SLIT3: variants seen among roughly 807,000 people sequenced by gnomAD.
SLIT3 encodes the protein slit homolog 3 protein.
A neutral mutation model predicts 184.0 loss-of-function variants in SLIT3; 68 were observed. That is an observed-to-expected ratio of 0.37 (90% confidence interval 0.30 to 0.45). The LOEUF (loss-of-function observed/expected upper bound fraction) is 0.45. SLIT3 is among the 20% of genes least tolerant of loss of function. The pLI is 1.00. For synonymous variants in SLIT3, 831 were observed against 828.6 expected, an observed-to-expected ratio of 1.00 and a Z score of -0.05; for missense variants, 1,707 against 2,026.0, an observed-to-expected ratio of 0.84 and a Z score of 3.02.
At chr5:169,117,243 C>CA (rs1216752652) in intron 4 of SLIT3, among the ~76,000 whole-genome samples, 1 of 152,186 alleles carries the variant, frequency 6.6e-6, no homozygotes, top group Non-Finnish European at 1.5e-5. Flanking sequence ...GGATACATAA[C>CA]TCCACAATGG....
At chr5:169,291,970 A>C (rs1480127357) in intron 1 of SLIT3, among the ~76,000 whole-genome samples, 1 of 152,238 alleles carries the variant, frequency 6.6e-6, no homozygotes, top group Non-Finnish European at 1.5e-5. Context: ...GTAAAGTGTA[A>C]GAGCAGTGCC....
intron 1 of SLIT3, among the ~76,000 whole-genome samples, chr5:169,291,969 A>G (rs1383852844): frequency 6.6e-6 from 1 of 152,252 alleles, no homozygotes; most frequent in African/African-American, 2.4e-5. Context: ...TGTAAAGTGT[A>G]AGAGCAGTGC....
chr5:168,708,490 C>T (rs1762445190), intron 25 of SLIT3: 1 of 283,406 alleles, frequency 3.5e-6, no homozygotes, highest in African/African-American at 2.2e-5. Context: ...CCCACAAACA[C>T]CCCTCCCCAT....
chr5:168,695,121 T>G (rs1762015673), intron 28 of SLIT3, among the ~76,000 whole-genome samples: 1 of 152,202 alleles, frequency 6.6e-6, no homozygotes, highest in South Asian at 2.1e-4. Context: ...CCATTTGGCT[T>G]CCTTCTCTGC....
chr5:168,778,172 C>T (rs1009969812), intron 12 of SLIT3, among the ~76,000 whole-genome samples: 1 of 152,202 alleles, frequency 6.6e-6, no homozygotes, highest in Non-Finnish European at 1.5e-5. Flanking sequence ...TCTCTACAGA[C>T]TACATCTCTG....
At chr5:168,686,009 C>G (rs959899665) in intron 30 of SLIT3, 82 bp from the exon 31 acceptor site, 1 of 1,451,610 alleles carries the variant, frequency 6.9e-7, no homozygotes, top group Non-Finnish European at 9.2e-7. Flanking sequence ...CAAAGAACCT[C>G]GAGCAGAGAG....
intron 4 of SLIT3, among the ~76,000 whole-genome samples, chr5:168,899,303 G>A (rs777306832): frequency 3.9e-5 from 6 of 152,162 alleles, no homozygotes; most frequent in Non-Finnish European, 8.8e-5. Flanking sequence ...ATCACTTGAG[G>A]TCAGAAGTTC....
At chr5:169,008,913 C>G (rs898166143) in intron 4 of SLIT3, among the ~76,000 whole-genome samples, 2 of 152,180 alleles carry the variant, frequency 1.3e-5, no homozygotes, top group Non-Finnish European at 2.9e-5. Context: ...CTCCAACTAC[C>G]TCATGATGAA....
chr5:168,752,757 G>A (rs561413996), intron 18 of SLIT3, 198 bp downstream of exon 18: 164 of 584,160 alleles, frequency 2.8e-4, no homozygotes, highest in Non-Finnish European at 9.1e-5. Context: ...TATGCTGTGA[G>A]TTCCAGGAAG....
chr5:169,261,217 G>A (rs1414330384), intron 1 of SLIT3, among the ~76,000 whole-genome samples: 1 of 151,598 alleles, frequency 6.6e-6, no homozygotes, highest in East Asian at 1.9e-4. Context: ...AGGCATCCAG[G>A]AACAGGTGAC....
intron 4 of SLIT3, among the ~76,000 whole-genome samples, chr5:168,890,352 T>G (rs1581182484): frequency 6.6e-6 from 1 of 152,298 alleles, no homozygotes; most frequent in East Asian, 1.9e-4. Context: ...TCACAGGGAA[T>G]GCAGGCTTGT....
At chr5:169,148,337 CT>C (rs1761999364) in intron 4 of SLIT3, among the ~76,000 whole-genome samples, 1 of 152,116 alleles carries the variant, frequency 6.6e-6, no homozygotes, top group Admixed American at 6.5e-5. Context: ...GCTCAGAGCT[CT>C]TTTTAAAAGG....
At chr5:169,162,365 G>A (rs1338939148) in intron 4 of SLIT3, among the ~76,000 whole-genome samples, 4 of 152,120 alleles carry the variant, frequency 2.6e-5, no homozygotes, top group African/African-American at 4.8e-5. Flanking sequence ...GCTGTGTATC[G>A]CCATGTTGCC....
At chr5:168,869,677 G>A (rs1759439347) in intron 5 of SLIT3, among the ~76,000 whole-genome samples, 2 of 152,146 alleles carry the variant, frequency 1.3e-5, no homozygotes, top group Admixed American at 1.3e-4. Context: ...TCTATTAGCA[G>A]AAAGAGGAGT....
At chr5:169,229,845 C>T (rs1251580784) in intron 3 of SLIT3, among the ~76,000 whole-genome samples, 2 of 151,998 alleles carry the variant, frequency 1.3e-5, no homozygotes, top group South Asian at 2.1e-4. Flanking sequence ...TGTAAGTGAA[C>T]CTGAGCATAG....
chr5:168,931,611 A>G (rs1761988873), intron 4 of SLIT3, among the ~76,000 whole-genome samples: 1 of 152,202 alleles, frequency 6.6e-6, no homozygotes, highest in Admixed American at 6.5e-5. Flanking sequence ...TGAGTATACG[A>G]TGAGGGGATA....
chr5:168,884,549 GATAT>G lies in SLIT3; in HGVS notation c.414-1217_414-1214del, dbSNP rs58407375. Among the ~76,000 whole-genome samples the G allele has an allele frequency of 0.017, 688 of 41,152 alleles. 50 individuals carry two copies. In the East Asian group the frequency reaches 0.19, roughly 11 times the overall value. 27.0% of individuals were successfully genotyped at this position (41,152 alleles called of 152,430 possible). ...ATCTAACTACTGCTACCAATTACGAGATATATATATATATATATATATATATATA... is the reference window on the plus strand; with the variant it reads ...ATCTAACTACTGCTACCAATTACGAGATATATATATATATATATATATATA... On this transcript the variant is annotated intron_variant, in intron 4 of 35. Coordinates refer to ENST00000519560, the MANE Select transcript of SLIT3 (RefSeq NM_003062.4).
chr5:168,941,700 G>C (rs1017392294), intron 4 of SLIT3, among the ~76,000 whole-genome samples: 1 of 152,162 alleles, frequency 6.6e-6, no homozygotes, highest in African/African-American at 2.4e-5. Flanking sequence ...ATGATAAAAG[G>C]CTCATCGAAA....
intron 25 of SLIT3, 35 bp downstream of exon 25, chr5:168,710,860 G>T (rs1305606153): frequency 1.4e-5 from 21 of 1,460,212 alleles, no homozygotes; most frequent in Non-Finnish European, 1.9e-5. Flanking sequence ...GACCCCAAGA[G>T]GGGCAGGGGA....
Sources: allele counts gnomAD v4.1 joint callset (sites outside exome capture counted in the v4.1 genomes callset), GRCh38; gene constraint gnomAD v4.1.1; transcripts MANE v1.5; gene names NCBI Gene and HGNC (gene_info 2026-07-23, HGNC 2026-07-21).